The following DICER1 variants were observed in gnomAD, a reference collection of about 807,000 sequenced individuals.
DICER1 encodes the protein endoribonuclease Dicer.
DICER1 carries 43 observed loss-of-function variants against 194.1 expected under a neutral mutation model. The ratio of observed to expected loss-of-function variants is 0.22; its 90% CI spans 0.17 to 0.29. DICER1 has a LOEUF of 0.29. Among genes scored for constraint, DICER1 ranks in the 10% least tolerant of loss-of-function variants. The probability of loss-of-function intolerance (pLI) is 1.00; values close to 1 mark genes in which losing one functional copy is unlikely to be tolerated. For missense variants in DICER1, 1,608 were observed against 2,317.0 expected, an observed-to-expected ratio of 0.69 and a Z score of 6.28; for synonymous variants, 832 against 820.5, an observed-to-expected ratio of 1.01 and a Z score of -0.24.
chr14:95,152,553 T>C (rs938045874), intron 1 of DICER1, among the ~76,000 whole-genome samples: 1 of 152,222 alleles, frequency 6.6e-6, no homozygotes, highest in Non-Finnish European at 1.5e-5. Flanking sequence ...GAACATGTAA[T>C]GCTGTTATAA....
intron 22 of DICER1, among the ~76,000 whole-genome samples, chr14:95,097,413 C>T (rs149361342): frequency 1.4e-3 from 214 of 152,216 alleles, no homozygotes; most frequent in East Asian, 8.7e-3. Context: ...ATCAGGGGAA[C>T]AGATTATAGC....
intron 1 of DICER1, among the ~76,000 whole-genome samples, chr14:95,151,132 T>A (rs1471930302): frequency 6.6e-6 from 1 of 152,240 alleles, no homozygotes; most frequent in Admixed American, 6.5e-5. Flanking sequence ...TCAAGGATGA[T>A]GTGTTAATTC....
At position 95,108,480 on chromosome 14, in the gene DICER1, A is replaced by G; in HGVS notation, c.2280T>C (p.Ser760=). ...PKAIPECLRD[S]YPRPDQPCYL... is the part of the protein sequence containing the mutation. ...AACAGGGCTGATCAGGTCTGGGATA[A>G]CTATCCCTCAAACACTCTGGAATCT... Residue 760 remains serine, a synonymous_variant, in exon 15 of 27, where the codon AGT becomes AGC. Transcript: ENST00000343455. The G allele has an allele frequency of 2.5e-6, 4 of 1,614,152 alleles. No individual in the cohort carries two copies. Among genetic ancestry groups the G allele is most frequent in the Non-Finnish European group, 3.4e-6 (4 of 1,179,988 alleles).
At chr14:95,095,258 G>A (rs1890205661) in intron 23 of DICER1, 1 of 157,442 alleles carries the variant, frequency 6.4e-6, no homozygotes, top group African/African-American at 2.4e-5. Flanking sequence ...TAATCTAATG[G>A]GTTGACAGTC....
At chr14:95,113,836 G>T (rs1038802143) in intron 11 of DICER1, among the ~76,000 whole-genome samples, 2 of 152,228 alleles carry the variant, frequency 1.3e-5, no homozygotes, top group African/African-American at 2.4e-5. Flanking sequence ...GCAGCCCTGT[G>T]AGGTTGCGAC....
At chr14:95,142,484 C>G (rs967203839) in intron 1 of DICER1, among the ~76,000 whole-genome samples, 2 of 152,160 alleles carry the variant, frequency 1.3e-5, no homozygotes, top group Non-Finnish European at 1.5e-5. Context: ...TTCAGACTCA[C>G]CTCATTCCTA....
intron 24 of DICER1, among the ~76,000 whole-genome samples, chr14:95,092,083 C>T (rs1889894902): frequency 6.6e-6 from 1 of 152,076 alleles, no homozygotes; most frequent in African/African-American, 2.4e-5. Context: ...ACATCCTAAC[C>T]AAAAACTACT....
chr14:95,108,333 G>T lies in DICER1; in HGVS notation c.2427C>A (p.Pro809=). Residue 809 remains proline, a synonymous_variant, in exon 15 of 27, where the codon CCC becomes CCA. Coordinates refer to ENST00000343455, the MANE Select transcript of DICER1 (RefSeq NM_177438.3). ...TRCFGILTAK[P]IPQIPHFPVY... is the part of the protein sequence containing the mutation. ...ATTATGAAATACCTACCTGAGGTAT[G>T]GGTTTGGCCGTCAGTATTCCAAAGC... 1 of 1,613,716 alleles carries T rather than the reference G, an allele frequency of 6.2e-7. No individual in the cohort carries two copies. Among genetic ancestry groups the T allele is most frequent in the Non-Finnish European group, 8.5e-7 (1 of 1,179,880 alleles).
chr14:95,108,368 T>C lies in DICER1; in HGVS notation c.2392A>G (p.Thr798Ala), dbSNP rs1191387730. The stretch of plus-strand genomic sequence containing the variant: ...GTCAGTATTCCAAAGCATCTTGTGG[T>C]ATCTTCAGGAGGATAGAGCTTCCGC... Reference protein sequence around the residue: ...RRRKLYPPEDTTRCFGILTAK... With the variant: ...RRRKLYPPEDATRCFGILTAK... The change falls in exon 15 of 27, where the codon ACC becomes GCC. Residue 798 changes from threonine (T) to alanine (A), a missense_variant. Physicochemically the swap from Thr to Ala is moderately conservative, Grantham distance 58. Coordinates refer to ENST00000343455, the MANE Select transcript of DICER1 (RefSeq NM_177438.3). The C allele has an allele frequency of 6.2e-7, 1 of 1,614,082 alleles. No individual in the cohort carries two copies. Among genetic ancestry groups the C allele is most frequent in the Non-Finnish European group, 8.5e-7 (1 of 1,180,010 alleles).
chr14:95,103,687 G>T lies in DICER1; in HGVS notation c.3709C>A (p.Leu1237Ile). The change falls in exon 21 of 27, where the codon CTC becomes ATC. Residue 1237 changes from leucine to isoleucine, a missense_variant. Leu to Ile is a conservative substitution (Grantham distance 5). This residue lies in a region of DICER1 where 222 missense variants were observed against 215.5 expected (regional missense o/e 1.03). Coordinates refer to ENST00000343455, the MANE Select transcript of DICER1 (RefSeq NM_177438.3). ...CCATCAAGGTATTTATTACTCAGGA[G>T]AGTACATTCATCGCTGGGCTGGGGC... Reference protein sequence around the residue: ...NQPQPSDECTLLSNKYLDGNA... With the variant: ...NQPQPSDECTILSNKYLDGNA... The T allele has an allele frequency of 6.2e-7, 1 of 1,614,174 alleles. No homozygotes were observed. Among genetic ancestry groups the T allele is most frequent in the Non-Finnish European group, 8.5e-7 (1 of 1,180,002 alleles).
chr14:95,110,368 A>G (rs557520866), intron 14 of DICER1, among the ~76,000 whole-genome samples: 1 of 152,330 alleles, frequency 6.6e-6, no homozygotes, highest in Admixed American at 6.5e-5. Context: ...GGGCACACGC[A>G]CATGCATCCC....
rs554662466 is a variant in DICER1 at position 95,138,224 on chromosome 14, C to T, written c.-45-4721G>A. Among the ~76,000 whole-genome samples, 704 of 149,252 alleles carry T rather than the reference C, an allele frequency of 4.7e-3. 2 individuals are homozygous for T. Among genetic ancestry groups the T allele is most frequent in the Middle Eastern group, 0.034 (10 of 290 alleles). On this transcript the variant is annotated intron_variant, in intron 1 of 26. Transcript: ENST00000343455. Reference sequence around the variant, plus strand: ...GATTTTTTTTTTTTCTTAGCAAACACAACATTTCTCATAAATGCCCTACCC... The same window carrying T: ...GATTTTTTTTTTTTCTTAGCAAACATAACATTTCTCATAAATGCCCTACCC...
chr14:95,111,223 T>A (rs2140065133), intron 14 of DICER1, 94 bp downstream of exon 14: 3 of 1,482,844 alleles, frequency 2.0e-6, no homozygotes, highest in Non-Finnish European at 2.8e-6. Context: ...TGTAAGGGTG[T>A]GGGAAGCCAG....
In DICER1 at chr14:95,096,607, TAGTC is replaced by T. The variant is rs886037712; in HGVS notation, c.4309_4312del (p.Asp1437MetfsTer16). On this transcript the variant is annotated frameshift_variant, in exon 23 of 27. Coordinates refer to ENST00000343455, the MANE Select transcript of DICER1 (RefSeq NM_177438.3). LOFTEE classifies it high-confidence loss of function. Reference sequence around the variant, plus strand: ...ATCATACTCCAGGAAATCATCTTCATAGTCAGCCTCTTCCTTCGGAGCCCTCCAC... The same window carrying T: ...ATCATACTCCAGGAAATCATCTTCATAGCCTCTTCCTTCGGAGCCCTCCAC... 1.2e-6 allele frequency: 2 copies of T among 1,611,902 alleles called. No homozygotes were observed. The highest frequency in any genetic ancestry group is 1.7e-6 in the Non-Finnish European group (2 of 1,178,756).
intron 8 of DICER1, among the ~76,000 whole-genome samples, chr14:95,123,617 G>A (rs909271940): frequency 2.0e-5 from 3 of 152,022 alleles, no homozygotes; most frequent in East Asian, 1.9e-4. Context: ...ACAGGGTTTC[G>A]TTGTGTTGCC....
intron 3 of DICER1, 132 bp from the exon 4 acceptor site, chr14:95,131,771 C>T: frequency 1.1e-6 from 1 of 901,338 alleles, no homozygotes; most frequent in Non-Finnish European, 1.8e-6. Flanking sequence ...TTTTTGATAG[C>T]CTCTTTAAAA....
At chr14:95,157,761 C>A (rs1466644946), upstream of DICER1, 1 of 152,194 alleles carries the variant, frequency 6.6e-6, no homozygotes, top group Non-Finnish European at 1.5e-5. Flanking sequence ...TTGGGGCCCC[C>A]GGGAACCCGC....
At chr14:95,143,649 A>G (rs1422773685) in intron 1 of DICER1, among the ~76,000 whole-genome samples, 1 of 152,190 alleles carries the variant, frequency 6.6e-6, no homozygotes, top group Non-Finnish European at 1.5e-5. Flanking sequence ...TAGTTACATA[A>G]AACAGTAAGA....
intron 23 of DICER1, 66 bp downstream of exon 23, chr14:95,095,759 C>T (rs1390169058): frequency 1.3e-6 from 2 of 1,557,656 alleles, no homozygotes; most frequent in Non-Finnish European, 1.8e-6. Flanking sequence ...TTTACAAGGC[C>T]AACACGATGA....
Sources: gnomAD v4.1 joint callset for allele counts (sites outside exome capture counted in the v4.1 genomes callset) on GRCh38, gnomAD v4.1.1 for gene constraint, gnomAD v4.1.1 regional missense constraint, MANE v1.5 for transcripts, NCBI Gene and HGNC (gene_info 2026-07-23, HGNC 2026-07-21) for gene names.